The following RBFOX3 variants were observed in gnomAD, a reference collection of about 807,000 sequenced individuals.
RBFOX3 encodes RNA binding fox-1 homolog 3.
In RBFOX3, 17 loss-of-function variants were observed where a neutral mutation model predicts 48.7. The ratio of observed to expected loss-of-function variants is 0.35; its 90% CI spans 0.24 to 0.52. The LOEUF is 0.52. Ranked by LOEUF, RBFOX3 falls within the 20% of genes least tolerant of loss-of-function variation. RBFOX3 has a pLI of 0.94. For synonymous variants in RBFOX3, 212 were observed against 209.5 expected, an observed-to-expected ratio of 1.01 and a Z score of -0.10; for missense variants, 382 against 497.5, an observed-to-expected ratio of 0.77 and a Z score of 2.21.
chr17:79,426,876 G>T (rs2067489062), intron 2 of RBFOX3, among the ~76,000 whole-genome samples: 1 of 152,066 alleles, frequency 6.6e-6, no homozygotes, highest in Non-Finnish European at 1.5e-5. Flanking sequence ...GGGTAATTTT[G>T]TATTTTTAGT....
At chr17:79,532,750 G>C (rs1181211979) in intron 1 of RBFOX3, among the ~76,000 whole-genome samples, 1 of 152,246 alleles carries the variant, frequency 6.6e-6, no homozygotes, top group African/African-American at 2.4e-5. Flanking sequence ...CATAGTACTA[G>C]AATCCTGGGA....
At chr17:79,642,136 C>T in the RBFOX3 span, among the ~76,000 whole-genome samples, 1 of 152,130 alleles carries the variant, frequency 6.6e-6, no homozygotes, top group Non-Finnish European at 1.5e-5. Flanking sequence ...ACCGCATTAT[C>T]TCACTTATAT....
At chr17:79,292,743 T>C (rs1460727813) in intron 3 of RBFOX3, among the ~76,000 whole-genome samples, 1 of 152,238 alleles carries the variant, frequency 6.6e-6, no homozygotes, top group Non-Finnish European at 1.5e-5. Context: ...TTTTGCTTTC[T>C]TTCCTCCGCT....
In RBFOX3 at chr17:79,113,864, C is replaced by T. The variant is rs79408572; in HGVS notation, c.222+1630G>A. 4.4e-3 allele frequency among the ~76,000 whole-genome samples: 662 copies of T among 149,092 alleles called. 6 individuals carry two copies. Among genetic ancestry groups the T allele is most frequent in the African/African-American group, 0.015 (624 of 41,382 alleles). On this transcript the variant is annotated intron_variant, in intron 5 of 14. Transcript: ENST00000693108. ...CGGCAGGTGCTCAGCAAATGTCTGCCGAGTGAAGGAAGACTTTATGTGTGT... is the reference window on the plus strand; with the variant it reads ...CGGCAGGTGCTCAGCAAATGTCTGCTGAGTGAAGGAAGACTTTATGTGTGT...
At chr17:79,189,383 C>G (rs773003154) in intron 4 of RBFOX3, among the ~76,000 whole-genome samples, 4 of 152,238 alleles carry the variant, frequency 2.6e-5, no homozygotes, top group African/African-American at 4.8e-5. Flanking sequence ...TTCTTCCCTT[C>G]GACTACTGTG....
intron 2 of RBFOX3, among the ~76,000 whole-genome samples, chr17:79,324,333 A>G (rs2078990846): frequency 6.6e-6 from 1 of 152,218 alleles, no homozygotes; most frequent in Non-Finnish European, 1.5e-5. Flanking sequence ...GCTGGCTGAC[A>G]TCTGGCAAAT....
intron 4 of RBFOX3, among the ~76,000 whole-genome samples, chr17:79,131,139 G>T (rs751069060): frequency 6.6e-6 from 1 of 150,958 alleles, no homozygotes. Context: ...TGTGTGACCC[G>T]TGTGCTTGTG....
chr17:79,621,475 T>G, the RBFOX3 span, among the ~76,000 whole-genome samples: 1 of 152,176 alleles, frequency 6.6e-6, no homozygotes, highest in Non-Finnish European at 1.5e-5. Flanking sequence ...TAAATAACCA[T>G]AGTAAAAGCA....
At chr17:79,509,956 C>T (rs962558755) in intron 1 of RBFOX3, among the ~76,000 whole-genome samples, 1 of 152,230 alleles carries the variant, frequency 6.6e-6, no homozygotes, top group Non-Finnish European at 1.5e-5. Flanking sequence ...GGAGGCACAA[C>T]CAAATATTTT....
chr17:79,173,239 C>CATAT (rs1423593604), intron 4 of RBFOX3, among the ~76,000 whole-genome samples: 31 of 152,216 alleles, frequency 2.0e-4, no homozygotes, highest in South Asian at 4.2e-4. Context: ...TACATACATA[C>CATAT]GTACATACTA....
chr17:79,581,201 T>C (rs1008593548), intron 1 of RBFOX3, among the ~76,000 whole-genome samples: 6 of 152,022 alleles, frequency 3.9e-5, no homozygotes, highest in African/African-American at 1.2e-4. Context: ...TGAGCCGAGA[T>C]CGTGCCACTG....
chr17:79,210,900 T>C (rs1273353945), intron 4 of RBFOX3, among the ~76,000 whole-genome samples: 1 of 150,910 alleles, frequency 6.6e-6, no homozygotes, highest in Non-Finnish European at 1.5e-5. Context: ...AGTGAGCACC[T>C]CTGCAGAGGG....
intron 2 of RBFOX3, among the ~76,000 whole-genome samples, chr17:79,466,846 T>TGAGAGG (rs2076379640): frequency 6.6e-6 from 1 of 151,890 alleles, no homozygotes; most frequent in Admixed American, 6.5e-5. Flanking sequence ...GCCACAGGTC[T>TGAGAGG]CCCCACCTAG....
intron 2 of RBFOX3, among the ~76,000 whole-genome samples, chr17:79,352,501 A>C (rs768463483): frequency 1.3e-5 from 2 of 152,222 alleles, no homozygotes; most frequent in Non-Finnish European, 2.9e-5. Context: ...GCGAGAACAG[A>C]TGAAAACAGA....
chr17:79,165,969 C>T (rs897480076), intron 4 of RBFOX3, among the ~76,000 whole-genome samples: 4 of 152,234 alleles, frequency 2.6e-5, no homozygotes, highest in Admixed American at 6.5e-5. Flanking sequence ...AGGGCACCCG[C>T]GTGCACTGGC....
chr17:79,240,389 G>A (rs73414087), intron 3 of RBFOX3, among the ~76,000 whole-genome samples: 68 of 152,352 alleles, frequency 4.5e-4, no homozygotes, highest in African/African-American at 1.5e-3. Context: ...CAAGATAGAT[G>A]CAAGTTACTT....
At chr17:79,163,279 C>T (rs948850653) in intron 4 of RBFOX3, among the ~76,000 whole-genome samples, 8 of 152,342 alleles carry the variant, frequency 5.3e-5, no homozygotes, top group Non-Finnish European at 7.3e-5. Context: ...GCTCCTGCCC[C>T]GCCTGGGGAA....
intron 4 of RBFOX3, among the ~76,000 whole-genome samples, chr17:79,201,153 C>A (rs908169424): frequency 6.6e-6 from 1 of 151,838 alleles, no homozygotes; most frequent in South Asian, 2.1e-4. Flanking sequence ...TCCGATGGAG[C>A]TGTAACCAGA....
In RBFOX3 at chr17:79,481,182, T is replaced by A. The variant is rs1302788322; in HGVS notation, c.-175+1272A>T. ...GATGGGTATTGGAGAGACCAGCCTG[T>A]GTCCGGGCCTCTGGTCTCTTTGTCC... is the stretch of plus-strand genomic sequence containing the variant. On this transcript the variant is annotated intron_variant, in intron 2 of 14. Coordinates refer to ENST00000693108, the MANE Select transcript of RBFOX3 (RefSeq NM_001350451.2). The surrounding 1 kb of genome is among the most constrained non-coding windows in gnomAD (Gnocchi z 5.4). Among the ~76,000 whole-genome samples the A allele has an allele frequency of 6.6e-6, 1 of 152,160 alleles. No homozygotes were observed. The highest frequency in any genetic ancestry group is 2.4e-5 in the African/African-American group (1 of 41,438).
Sources: gnomAD v4.1 joint callset for allele counts (sites outside exome capture counted in the v4.1 genomes callset) on GRCh38, gnomAD v4.1.1 for gene constraint, Gnocchi (gnomAD v3.1) non-coding constraint, MANE v1.5 for transcripts, NCBI Gene and HGNC (gene_info 2026-07-23, HGNC 2026-07-21) for gene names.